The following RBFOX1 variants were observed in gnomAD, a reference collection of about 807,000 sequenced individuals.
RBFOX1 encodes RNA binding fox-1 homolog 1.
In RBFOX1, 8 loss-of-function variants were observed where a neutral mutation model predicts 57.7. The ratio of observed to expected loss-of-function variants is 0.14; its 90% confidence interval spans 0.08 to 0.25. RBFOX1 has a LOEUF of 0.25. Among genes scored for constraint, RBFOX1 ranks in the 10% least tolerant of loss-of-function variants. The probability of loss-of-function intolerance (pLI) is 1.00; values close to 1 mark genes in which losing one functional copy is unlikely to be tolerated. For synonymous variants in RBFOX1, 326 were observed against 222.4 expected (o/e 1.47, Z -4.15); for missense variants, 611 against 548.5 (o/e 1.11, Z -1.14).
At chr16:5,899,756 G>C (rs2058261789) in intron 4 of RBFOX1, among the ~76,000 whole-genome samples, 2 of 152,198 alleles carry the variant, frequency 1.3e-5, no homozygotes, top group South Asian at 4.1e-4. Context: ...TCACCTGAAT[G>C]GGCATGCTGA....
chr16:6,146,967 C>T (rs2096763183), intron 1 of RBFOX1, among the ~76,000 whole-genome samples: 1 of 152,104 alleles, frequency 6.6e-6, no homozygotes, highest in Non-Finnish European at 1.5e-5. Flanking sequence ...CTTAGCTCCT[C>T]CTCCTCCCAC....
chr16:7,045,394 A>G (rs943767892), intron 3 of RBFOX1, among the ~76,000 whole-genome samples: 22 of 152,208 alleles, frequency 1.4e-4, no homozygotes, highest in African/African-American at 4.3e-4. Context: ...ATTACTTGAA[A>G]TATCCTTTTT....
At chr16:6,522,673 C>G (rs79465992) in intron 2 of RBFOX1, among the ~76,000 whole-genome samples, 119 of 152,226 alleles carry the variant, frequency 7.8e-4, no homozygotes, top group Non-Finnish European at 1.5e-3. Context: ...CCAGGTTAAT[C>G]TTTAGGTACA....
intron 2 of RBFOX1, among the ~76,000 whole-genome samples, chr16:6,318,489 G>A (rs2081372466): frequency 6.6e-6 from 1 of 152,086 alleles, no homozygotes; most frequent in South Asian, 2.1e-4. Context: ...TGGTGCTTGG[G>A]CAGGGAGGGG....
intron 3 of RBFOX1, among the ~76,000 whole-genome samples, chr16:5,613,985 G>T (rs938503048): frequency 2.0e-5 from 3 of 149,496 alleles, no homozygotes; most frequent in Non-Finnish European, 3.0e-5. Flanking sequence ...ACCTAGGTCA[G>T]TTCCCTCCAC....
At chr16:5,266,503 A>G (rs192943549) in intron 1 of RBFOX1, among the ~76,000 whole-genome samples, 7 of 150,516 alleles carry the variant, frequency 4.7e-5, no homozygotes, top group African/African-American at 1.2e-4. Flanking sequence ...AGGGGCTGTA[A>G]TGTTCTGTTT....
chr16:5,323,845 T>C (rs59306741), intron 1 of RBFOX1, among the ~76,000 whole-genome samples: 4,021 of 152,256 alleles, frequency 0.026, 194 homozygotes, highest in African/African-American at 0.092. Context: ...CCCTGTAACA[T>C]AGACTGGGGA....
At chr16:6,456,235 T>C (rs2159550) in intron 2 of RBFOX1, among the ~76,000 whole-genome samples, 121,382 of 152,100 alleles carry the variant, frequency 0.8, 48,547 homozygotes, top group Middle Eastern at 0.87. Context: ...AAGAGAATTG[T>C]GTATTTTTAG....
chr16:5,769,217 G>A (rs1431242660), intron 3 of RBFOX1, among the ~76,000 whole-genome samples: 1 of 152,026 alleles, frequency 6.6e-6, no homozygotes, highest in Non-Finnish European at 1.5e-5. Context: ...AAATTCATAC[G>A]GTGAAGTCCT....
At chr16:7,470,769 A>G (rs1326357890) in intron 4 of RBFOX1, among the ~76,000 whole-genome samples, 1 of 152,104 alleles carries the variant, frequency 6.6e-6, no homozygotes, top group East Asian at 1.9e-4. Flanking sequence ...GTAGAATTTG[A>G]TTTATGCCAT....
At chr16:6,365,068 G>C (rs2089321556) in intron 2 of RBFOX1, among the ~76,000 whole-genome samples, 1 of 150,006 alleles carries the variant, frequency 6.7e-6, no homozygotes, top group South Asian at 2.1e-4. Flanking sequence ...CATCAAAACT[G>C]ATGAGCCCAA....
chr16:7,703,262 G>C (rs2081355779), intron 14 of RBFOX1, among the ~76,000 whole-genome samples: 2 of 152,188 alleles, frequency 1.3e-5, no homozygotes, highest in African/African-American at 4.8e-5. Context: ...GCCATTCATT[G>C]ATCCCTGGTG....
intron 4 of RBFOX1, among the ~76,000 whole-genome samples, chr16:7,215,613 A>G (rs886771000): frequency 1.6e-4 from 25 of 152,160 alleles, no homozygotes; most frequent in Admixed American, 1.2e-3. Context: ...AATTTACACC[A>G]TCTTTATAAC....
chr16:7,210,811 A>C (rs2090976760), intron 4 of RBFOX1, among the ~76,000 whole-genome samples: 1 of 152,176 alleles, frequency 6.6e-6, no homozygotes, highest in Non-Finnish European at 1.5e-5. Flanking sequence ...TGTGTGAGCA[A>C]GTCTAGAGAT....
chr16:7,604,006 G>A (rs1405697413), intron 9 of RBFOX1, among the ~76,000 whole-genome samples: 1 of 152,162 alleles, frequency 6.6e-6, no homozygotes, highest in Non-Finnish European at 1.5e-5. Context: ...GAATGCCTTG[G>A]TCTGCAGTGG....
At chr16:7,485,370 C>G (rs887939226) in intron 4 of RBFOX1, among the ~76,000 whole-genome samples, 2 of 152,230 alleles carry the variant, frequency 1.3e-5, no homozygotes, top group Non-Finnish European at 2.9e-5. Flanking sequence ...TTTTCCCATC[C>G]TCTGCAGTTT....
chr16:6,881,109 A>G (rs919450714), intron 3 of RBFOX1, among the ~76,000 whole-genome samples: 1 of 152,152 alleles, frequency 6.6e-6, no homozygotes, highest in African/African-American at 2.4e-5. Flanking sequence ...TGGTCTTACC[A>G]TGCTTCTCAG....
intron 1 of RBFOX1, among the ~76,000 whole-genome samples, 173 bp from the exon 2 acceptor site, chr16:6,316,822 A>G (rs544545072): frequency 3.2e-4 from 48 of 152,320 alleles, no homozygotes; most frequent in African/African-American, 1.2e-3. Flanking sequence ...ATAAAAATAC[A>G]TCGAAGAACT....
chr16:6,683,054 A>T (rs138216853), intron 3 of RBFOX1, among the ~76,000 whole-genome samples: 1 of 152,154 alleles, frequency 6.6e-6, no homozygotes, highest in Non-Finnish European at 1.5e-5. Flanking sequence ...TTAGGAGAGG[A>T]ATGCGTGTGA....
Sources: allele counts gnomAD v4.1 joint callset (sites outside exome capture counted in the v4.1 genomes callset), GRCh38; gene constraint gnomAD v4.1.1; transcripts MANE v1.5; gene names NCBI Gene and HGNC (gene_info 2026-07-23, HGNC 2026-07-21).